The following ST6GAL1 variants were observed in gnomAD, a reference collection of about 807,000 sequenced individuals.
ST6GAL1 encodes the protein ST6 beta-galactoside alpha-2,6-sialyltransferase 1.
A neutral mutation model predicts 38.0 loss-of-function variants in ST6GAL1; 20 were observed. The observed-to-expected ratio is 0.53, with a 90% CI of 0.37 to 0.77. ST6GAL1 has a LOEUF of 0.77. ST6GAL1 is among the 30% of genes least tolerant of loss of function. ST6GAL1 has a pLI of 0.00. For synonymous variants in ST6GAL1, 196 were observed against 188.2 expected, an observed-to-expected ratio of 1.04 and a Z score of -0.34; for missense variants, 432 against 496.4, an observed-to-expected ratio of 0.87 and a Z score of 1.23.
chr3:187,034,567 G>A (rs984769300), intron 2 of ST6GAL1, among the ~76,000 whole-genome samples: 1 of 152,038 alleles, frequency 6.6e-6, no homozygotes, highest in Non-Finnish European at 1.5e-5. Flanking sequence ...TGATCAAGTA[G>A]GCTTCATTCC....
chr3:186,965,763 C>T (rs531652706), intron 2 of ST6GAL1, among the ~76,000 whole-genome samples: 5 of 152,280 alleles, frequency 3.3e-5, no homozygotes, highest in African/African-American at 1.2e-4. Flanking sequence ...TCTCCAGGTG[C>T]CAGCCCTGCC....
intron 2 of ST6GAL1, among the ~76,000 whole-genome samples, chr3:186,969,028 CT>C (rs1298768766): frequency 3.4e-5 from 5 of 147,968 alleles, no homozygotes; most frequent in Non-Finnish European, 6.0e-5. Context: ...TTTTCTTTTT[CT>C]TTTTTTCTTT....
At chr3:187,065,523 A>G (rs1719072996) in intron 5 of ST6GAL1, among the ~76,000 whole-genome samples, 1 of 152,330 alleles carries the variant, frequency 6.6e-6, no homozygotes, top group African/African-American at 2.4e-5. Context: ...AAAATGATAT[A>G]TGTAAATGGA....
intron 3 of ST6GAL1, among the ~76,000 whole-genome samples, chr3:187,040,651 A>G (rs904026250): frequency 1.3e-5 from 2 of 152,170 alleles, no homozygotes; most frequent in Non-Finnish European, 2.9e-5. Flanking sequence ...CTTAAATGCT[A>G]CTTTCCTTCT....
In ST6GAL1 at chr3:187,075,746, G is replaced by A; in HGVS notation, c.1164G>A (p.Glu388=). 1 of 1,614,236 alleles carries A rather than the reference G, an allele frequency of 6.2e-7. No homozygotes were observed. The highest frequency in any genetic ancestry group is 8.5e-7 in the Non-Finnish European group (1 of 1,180,044). The change falls in exon 8 of 8, where the codon GAG becomes GAA. Residue 388 remains glutamate, a synonymous_variant. Coordinates refer to ENST00000169298, the MANE Select transcript of ST6GAL1 (RefSeq NM_173216.2). The surrounding 1 kb of genome is among the most constrained non-coding windows in gnomAD (Gnocchi z 4.1). ...LVKHLNQGTD[E]DIYLLGKATL... is the part of the protein sequence containing the mutation. Reference sequence around the variant, plus strand: ...AGCATCTCAACCAGGGCACAGATGAGGACATCTACCTGCTTGGAAAAGCCA... The same window carrying A: ...AGCATCTCAACCAGGGCACAGATGAAGACATCTACCTGCTTGGAAAAGCCA...
At chr3:186,943,481 TCG>T (rs1383426574) in intron 1 of ST6GAL1, among the ~76,000 whole-genome samples, 3 of 152,184 alleles carry the variant, frequency 2.0e-5, no homozygotes, top group African/African-American at 7.2e-5. Flanking sequence ...AGACGGAGTC[TCG>T]CTCTTGCTCA....
chr3:186,958,575 G>A (rs1014602591), intron 1 of ST6GAL1, among the ~76,000 whole-genome samples: 4 of 151,972 alleles, frequency 2.6e-5, no homozygotes, highest in Non-Finnish European at 4.4e-5. Context: ...GGAGGGGTGG[G>A]GCAGGGCCTG....
chr3:186,988,304 G>T (rs1186725805), intron 2 of ST6GAL1, among the ~76,000 whole-genome samples: 1 of 152,008 alleles, frequency 6.6e-6, no homozygotes, highest in South Asian at 2.1e-4. Flanking sequence ...AATTTGTGTT[G>T]GTCATGGGGA....
At chr3:186,960,774 T>A (rs61131265) in intron 1 of ST6GAL1, among the ~76,000 whole-genome samples, 11,242 of 151,830 alleles carry the variant, frequency 0.074, 923 homozygotes, top group African/African-American at 0.21. Flanking sequence ...GTTTTTTTTT[T>A]AAATTTTTTA....
intron 2 of ST6GAL1, among the ~76,000 whole-genome samples, chr3:187,037,533 G>A (rs528301115): frequency 9.0e-4 from 136 of 151,788 alleles, no homozygotes; most frequent in Non-Finnish European, 1.6e-3. Context: ...TTCCTACATC[G>A]CATCAAAAGA....
At chr3:187,018,943 G>A (rs548271351) in intron 2 of ST6GAL1, among the ~76,000 whole-genome samples, 7 of 152,282 alleles carry the variant, frequency 4.6e-5, no homozygotes, top group South Asian at 2.1e-4. Context: ...GGAGAAGCAC[G>A]TTCACCACGG....
At chr3:187,015,559 T>C (rs1342740331) in intron 2 of ST6GAL1, among the ~76,000 whole-genome samples, 1 of 152,106 alleles carries the variant, frequency 6.6e-6, no homozygotes, top group African/African-American at 2.4e-5. Context: ...CAGTCTTTCC[T>C]GGGTGCAGCA....
At chr3:186,963,757 T>C (rs968315433) in intron 1 of ST6GAL1, 28 bp from the exon 2 acceptor site, 1 of 152,236 alleles carries the variant, frequency 6.6e-6, no homozygotes, top group African/African-American at 2.4e-5. Context: ...GAAACTTTGC[T>C]TTGTTGTTGT....
Position 187,069,653 on chromosome 3 carries a change from T to C in ST6GAL1, c.706-3196T>C, listed in dbSNP as rs137956200. 1.5e-3 allele frequency among the ~76,000 whole-genome samples: 230 copies of C among 152,346 alleles called. 1 individual carries two copies. The highest frequency in any genetic ancestry group is 5.1e-3 in the African/African-American group (214 of 41,582). On this transcript the variant is annotated intron_variant, in intron 5 of 7. Coordinates refer to ENST00000169298, the MANE Select transcript of ST6GAL1 (RefSeq NM_173216.2). ...AACACTAATTCAGAACTCTAGCATG[T>C]TTAGATCTTCCTTACTTAAAACCCT... is the stretch of plus-strand genomic sequence containing the variant.
At chr3:186,974,430 G>A (rs1715453710) in intron 2 of ST6GAL1, among the ~76,000 whole-genome samples, 1 of 152,094 alleles carries the variant, frequency 6.6e-6, no homozygotes, top group Non-Finnish European at 1.5e-5. Context: ...ATGGACCATG[G>A]TGGTTTTGAT....
intron 2 of ST6GAL1, among the ~76,000 whole-genome samples, chr3:187,011,627 C>T (rs1716959668): frequency 6.6e-6 from 1 of 152,240 alleles, no homozygotes; most frequent in African/African-American, 2.4e-5. Context: ...TTCCTTCACA[C>T]AGGGAAGGCC....
chr3:186,946,674 G>C (rs1318410623), intron 1 of ST6GAL1, among the ~76,000 whole-genome samples: 1 of 152,104 alleles, frequency 6.6e-6, no homozygotes, highest in Non-Finnish European at 1.5e-5. Flanking sequence ...TTTTTTCCTG[G>C]ATAGAGGGCT....
chr3:186,963,598 A>G (rs1399062633), intron 1 of ST6GAL1, among the ~76,000 whole-genome samples, 187 bp from the exon 2 acceptor site: 2 of 152,080 alleles, frequency 1.3e-5, no homozygotes, highest in Admixed American at 1.3e-4. Flanking sequence ...TCTGCAACTT[A>G]CTCTCAAATT....
intron 2 of ST6GAL1, among the ~76,000 whole-genome samples, chr3:187,022,403 A>C (rs548863514): frequency 6.6e-6 from 1 of 152,196 alleles, no homozygotes; most frequent in Non-Finnish European, 1.5e-5. Flanking sequence ...TACAAGTCTT[A>C]AGTGCGTTTT....
Sources: gnomAD v4.1 joint callset for allele counts (sites outside exome capture counted in the v4.1 genomes callset) on GRCh38, gnomAD v4.1.1 for gene constraint, Gnocchi (gnomAD v3.1) non-coding constraint, MANE v1.5 for transcripts, NCBI Gene and HGNC (gene_info 2026-07-23, HGNC 2026-07-21) for gene names.